Variants in CAPN2 observed in about 807,000 individuals in gnomAD.
CAPN2 encodes the protein calpain 2.
Under a neutral mutation model 102.3 loss-of-function variants are expected in CAPN2, and 92 were observed. The ratio of observed to expected loss-of-function variants is 0.90; its 90% CI spans 0.76 to 1.07. CAPN2 has a LOEUF of 1.07. Among genes scored for constraint, CAPN2 ranks in the 50% least tolerant of loss-of-function variants. CAPN2 has a pLI of 0.00. For missense variants in CAPN2, 800 were observed against 909.4 expected (o/e 0.88, Z 1.55); for synonymous variants, 340 against 355.4 (o/e 0.96, Z 0.49).
At chr1:223,751,934 C>A in intron 7 of CAPN2, 63 bp from the exon 8 acceptor site, 1 of 1,133,618 alleles carries the variant, frequency 8.8e-7, no homozygotes, top group Non-Finnish European at 1.3e-6. Context: ...TCTTCCTCAA[C>A]TCTGGGGCCT....
chr1:223,736,130 G>A (rs749393099), intron 2 of CAPN2, among the ~76,000 whole-genome samples: 5 of 152,126 alleles, frequency 3.3e-5, no homozygotes, highest in Admixed American at 2.0e-4. Context: ...AGAGTGCCCC[G>A]GTTCTGTCCA....
chr1:223,762,082 G>A (rs1055359479), intron 13 of CAPN2, 104 bp from the exon 14 acceptor site: 14 of 885,632 alleles, frequency 1.6e-5, no homozygotes, highest in African/African-American at 3.3e-5. Flanking sequence ...CCCCAGGGAG[G>A]GGTAGAGAAG....
rs1015548333 is a variant in CAPN2 at position 223,763,458 on chromosome 1, A to G, written c.1633-692A>G. On this transcript the variant is annotated intron_variant, in intron 14 of 20. Coordinates refer to ENST00000295006, the MANE Select transcript of CAPN2 (RefSeq NM_001748.5). Reference sequence around the variant, plus strand: ...CAAAAGGCAAACATGACTGCAATCAATCTTGGTTTTAAACAAAGGAGTTTA... The same window carrying G: ...CAAAAGGCAAACATGACTGCAATCAGTCTTGGTTTTAAACAAAGGAGTTTA... 7.2e-5 allele frequency among the ~76,000 whole-genome samples: 11 copies of G among 152,316 alleles called. No homozygotes were observed. In the South Asian group the frequency reaches 1.0e-3, roughly 14 times the overall value.
At chr1:223,758,976 C>T in intron 11 of CAPN2, 1 of 412,992 alleles carries the variant, frequency 2.4e-6, no homozygotes, top group Non-Finnish European at 4.5e-6. Flanking sequence ...CAGGCGTGAG[C>T]CACCACACCT....
In CAPN2 at chr1:223,748,539, C is replaced by T. The variant is rs182799908; in HGVS notation, c.730-500C>T. On this transcript the variant is annotated intron_variant, in intron 5 of 20. Transcript: ENST00000295006. The stretch of plus-strand genomic sequence containing the variant: ...ATAAACAACCGTCCTAGTATAAACC[C>T]TACAGCTGGGCTGGGCCAGACCACG... 7.9e-5 allele frequency among the ~76,000 whole-genome samples: 12 copies of T among 152,298 alleles called. 1 individual carries two copies. Among genetic ancestry groups the T allele is most frequent in the Admixed American group, 7.8e-4 (12 of 15,298 alleles).
intron 2 of CAPN2, among the ~76,000 whole-genome samples, chr1:223,742,846 T>G (rs542868855): frequency 1.3e-5 from 2 of 152,184 alleles, no homozygotes; most frequent in Non-Finnish European, 2.9e-5. Flanking sequence ...AATAAACCTG[T>G]CAATTGGCGA....
intron 15 of CAPN2, among the ~76,000 whole-genome samples, chr1:223,765,248 A>G (rs1661281732): frequency 6.6e-6 from 1 of 152,214 alleles, no homozygotes; most frequent in Non-Finnish European, 1.5e-5. Context: ...TCTGCCTTTC[A>G]GAGCCAAAGA....
Position 223,774,954 on chromosome 1 carries a change from A to G in CAPN2, c.*97A>G. The G allele has an allele frequency of 2.0e-6, 2 of 997,990 alleles. No individual in the cohort carries two copies. Among genetic ancestry groups the G allele is most frequent in the Non-Finnish European group, 3.1e-6 (2 of 639,440 alleles). 61.8% of individuals were successfully genotyped at this position (997,990 alleles called of 1,614,324 possible). A position where few individuals can be genotyped will look rare whatever the true frequency, so the allele number is the denominator to read the frequency against. ...CACTTTGTATCTGGACCTCAAAATT[A>G]TGGGAACATTTACTTAAACGGATGA... On this transcript the variant is annotated 3_prime_UTR_variant, in exon 21 of 21. Coordinates refer to ENST00000295006, the MANE Select transcript of CAPN2 (RefSeq NM_001748.5).
At chr1:223,738,364 G>C (rs1241739858) in intron 2 of CAPN2, among the ~76,000 whole-genome samples, 1 of 152,110 alleles carries the variant, frequency 6.6e-6, no homozygotes, top group Non-Finnish European at 1.5e-5. Context: ...GGGTCTCACA[G>C]TATAGTGAGA....
intron 3 of CAPN2, 92 bp from the exon 4 acceptor site, chr1:223,745,214 G>A: frequency 3.2e-6 from 5 of 1,548,000 alleles, no homozygotes; most frequent in Non-Finnish European, 4.4e-6. Flanking sequence ...CTATCCCAGG[G>A]GATCAGGGCA....
chr1:223,773,491 C>T (rs113416188), intron 20 of CAPN2, among the ~76,000 whole-genome samples: 3,415 of 152,208 alleles, frequency 0.022, 128 homozygotes, highest in African/African-American at 0.076. Flanking sequence ...GTTGGGAGTT[C>T]GAGACCAGCC....
At chr1:223,766,205 G>C (rs1661310950) in intron 15 of CAPN2, among the ~76,000 whole-genome samples, 162 bp from the exon 16 acceptor site, 1 of 152,212 alleles carries the variant, frequency 6.6e-6, no homozygotes, top group African/African-American at 2.4e-5. Context: ...CATCTGCACT[G>C]TCCCAGTCTG....
At chr1:223,769,509 T>C (rs192427038) in intron 16 of CAPN2, among the ~76,000 whole-genome samples, 4 of 151,762 alleles carry the variant, frequency 2.6e-5, no homozygotes, top group East Asian at 3.9e-4. Context: ...CCACATACTT[T>C]AAAAAAAACA....
chr1:223,773,538 A>G (rs943398589), intron 20 of CAPN2, among the ~76,000 whole-genome samples: 1 of 152,300 alleles, frequency 6.6e-6, no homozygotes, highest in Non-Finnish European at 1.5e-5. Context: ...TACTAAAAAT[A>G]CAAAATTAGC....
At chr1:223,711,784 CG>C (rs1659734696), upstream of CAPN2, among the ~76,000 whole-genome samples, 1 of 152,136 alleles carries the variant, frequency 6.6e-6, no homozygotes, top group African/African-American at 2.4e-5. Flanking sequence ...TTAGTAGAGA[CG>C]GAATTTCACC....
intron 2 of CAPN2, among the ~76,000 whole-genome samples, chr1:223,732,744 G>A (rs555393495): frequency 3.3e-5 from 5 of 152,266 alleles, no homozygotes; most frequent in Non-Finnish European, 5.9e-5. Context: ...TAGTTCACAC[G>A]CCTCTGACAC....
intron 2 of CAPN2, among the ~76,000 whole-genome samples, chr1:223,719,305 G>A (rs369969837): frequency 1.3e-4 from 20 of 152,294 alleles, no homozygotes; most frequent in Middle Eastern, 3.4e-3. Flanking sequence ...GGGAGGCCGA[G>A]GCAGGCAGAT....
In CAPN2 at chr1:223,741,423, ATATATATATATAATGTG is replaced by A. The variant is rs1312102539; in HGVS notation, c.308-2664_308-2648del. ...TTTTGAATCTTTGGCTGTAAAATGT[ATATATATATATAATGTG>A]TATATATATATATATATATATATAT... On this transcript the variant is annotated intron_variant, in intron 2 of 20. Coordinates refer to ENST00000295006, the MANE Select transcript of CAPN2 (RefSeq NM_001748.5). Among the ~76,000 whole-genome samples the A allele has an allele frequency of 1.8e-3, 148 of 80,584 alleles. 13 individuals carry two copies. Among genetic ancestry groups the A allele is most frequent in the African/African-American group, 0.016 (145 of 9,046 alleles). The allele number at this position is 80,584 out of a possible 152,430, so 52.9% of individuals were successfully genotyped here. A position where few individuals can be genotyped will look rare whatever the true frequency, so the allele number is the denominator to read the frequency against.
chr1:223,738,702 T>C (rs974489742), intron 2 of CAPN2, among the ~76,000 whole-genome samples: 1 of 152,218 alleles, frequency 6.6e-6, no homozygotes, highest in Non-Finnish European at 1.5e-5. Flanking sequence ...TGCACACTGT[T>C]GCAAACAGAC....
Sources: allele counts gnomAD v4.1 joint callset (sites outside exome capture counted in the v4.1 genomes callset), GRCh38; gene constraint gnomAD v4.1.1; transcripts MANE v1.5; gene names NCBI Gene and HGNC (gene_info 2026-07-23, HGNC 2026-07-21).